EFL1: variants seen among roughly 807,000 people sequenced by gnomAD.
EFL1 encodes elongation factor-like GTPase 1.
EFL1 carries 76 observed loss-of-function variants against 126.7 expected under a neutral mutation model. The ratio of observed to expected loss-of-function variants is 0.60; its 90% CI spans 0.50 to 0.73. EFL1 has a LOEUF of 0.73. Ranked by LOEUF, EFL1 falls within the 30% of genes least tolerant of loss-of-function variation. The pLI is 0.00. For missense variants in EFL1, 1,128 were observed against 1,343.2 expected (o/e 0.84, Z 2.50); for synonymous variants, 410 against 448.4 (o/e 0.91, Z 1.08).
chr15:82,196,756 G>C (rs921530705), intron 15 of EFL1, among the ~76,000 whole-genome samples: 15 of 152,178 alleles, frequency 9.9e-5, no homozygotes, highest in African/African-American at 3.6e-4. Flanking sequence ...GGCTTCGGCC[G>C]GGAGCGGTGG....
chr15:82,156,795 C>A (rs1351061847), intron 17 of EFL1, among the ~76,000 whole-genome samples: 1 of 152,048 alleles, frequency 6.6e-6, no homozygotes, highest in Non-Finnish European at 1.5e-5. Flanking sequence ...AGAAGGAAGG[C>A]CATTACAGGG....
intron 18 of EFL1, 28 bp downstream of exon 18, chr15:82,151,437 C>A (rs773228695): frequency 4.5e-6 from 7 of 1,562,784 alleles, no homozygotes; most frequent in East Asian, 2.2e-5. Flanking sequence ...CAGGGCATTT[C>A]TCACTATCTT....
chr15:82,190,073 C>T (rs967331572), intron 15 of EFL1, among the ~76,000 whole-genome samples: 6 of 149,738 alleles, frequency 4.0e-5, no homozygotes, highest in East Asian at 2.0e-4. Context: ...GCCAAGATCA[C>T]GCACTCCAGC....
chr15:82,165,056 T>C (rs1199634134), intron 15 of EFL1, among the ~76,000 whole-genome samples: 3 of 152,068 alleles, frequency 2.0e-5, no homozygotes, highest in Non-Finnish European at 4.4e-5. Flanking sequence ...GAGGATCACT[T>C]GAGGTCAGGA....
chr15:82,211,619 C>CACACACACACACA (rs1595985795), intron 15 of EFL1, among the ~76,000 whole-genome samples: 9 of 145,020 alleles, frequency 6.2e-5, no homozygotes, highest in African/African-American at 1.0e-4. Flanking sequence ...CACACACACA[C>CACACACACACACA]TAGACTCTCT....
At position 82,152,344 on chromosome 15, in the gene EFL1, T is replaced by A. The variant is rs1162650929; in HGVS notation, c.2110A>T (p.Met704Leu). The change falls in exon 18 of 20, where the codon ATG becomes TTG. Residue 704 changes from methionine to leucine, a missense_variant. Around this residue, in one of 6 missense-constraint regions of EFL1, gnomAD observed 561 missense variants for 641.7 expected, o/e 0.87. Transcript: ENST00000268206. ...TGTTTGCCTATTTCTTCATTGACCA[T>A]GTCAACTTTTGGGGGTTTTGTGATT... is the stretch of plus-strand genomic sequence containing the variant. ...ETITKPPKVD[M>L]VNEEIGKQQK... 3.7e-6 allele frequency: 6 copies of A among 1,613,842 alleles called. No homozygotes were observed. Among genetic ancestry groups the A allele is most frequent in the Admixed American group, 1.7e-5 (1 of 60,004 alleles).
intron 15 of EFL1, among the ~76,000 whole-genome samples, chr15:82,164,277 T>G (rs1018438843): frequency 2.0e-5 from 3 of 152,184 alleles, no homozygotes; most frequent in African/African-American, 7.2e-5. Flanking sequence ...TCCAGATATA[T>G]TTGTCTGAAA....
chr15:82,176,205 A>C (rs1199746981), intron 15 of EFL1, among the ~76,000 whole-genome samples: 2 of 152,228 alleles, frequency 1.3e-5, no homozygotes, highest in Non-Finnish European at 2.9e-5. Flanking sequence ...CGGATTGCAG[A>C]TCTAAATACA....
intron 15 of EFL1, among the ~76,000 whole-genome samples, chr15:82,199,364 G>A (rs2074443399): frequency 6.6e-6 from 1 of 152,184 alleles, no homozygotes; most frequent in Non-Finnish European, 1.5e-5. Context: ...ACAAATATCC[G>A]AGAGTAAGAA....
intron 15 of EFL1, among the ~76,000 whole-genome samples, chr15:82,172,715 C>T (rs574087219): frequency 7.9e-5 from 12 of 152,194 alleles, no homozygotes; most frequent in Non-Finnish European, 1.5e-4. Context: ...TATCGACAGT[C>T]ACTCATGGCG....
intron 18 of EFL1, among the ~76,000 whole-genome samples, chr15:82,140,313 T>C (rs939518834): frequency 4.6e-5 from 7 of 152,210 alleles, no homozygotes; most frequent in Admixed American, 1.3e-4. Context: ...ATAATTTTCA[T>C]GTTCCTAACC....
intron 18 of EFL1, among the ~76,000 whole-genome samples, chr15:82,149,361 G>T (rs1252407926): frequency 6.6e-6 from 1 of 152,080 alleles, no homozygotes; most frequent in Non-Finnish European, 1.5e-5. Flanking sequence ...TTTGGATTCT[G>T]CTTTTTGGGG....
At chr15:82,231,329 A>G (rs2074820103) in intron 7 of EFL1, among the ~76,000 whole-genome samples, 1 of 152,196 alleles carries the variant, frequency 6.6e-6, no homozygotes, top group Non-Finnish European at 1.5e-5. Flanking sequence ...ATAAAATTTT[A>G]TTTCAGCTAC....
chr15:82,238,271 C>A (rs2074894413), intron 7 of EFL1, 36 bp downstream of exon 7: 2 of 1,596,680 alleles, frequency 1.3e-6, no homozygotes, highest in Non-Finnish European at 1.7e-6. Context: ...CATATAAAAT[C>A]TGCAAAGAGA....
At chr15:82,257,486 G>A (rs2075076406) in intron 3 of EFL1, among the ~76,000 whole-genome samples, 1 of 152,148 alleles carries the variant, frequency 6.6e-6, no homozygotes, top group African/African-American at 2.4e-5. Context: ...AGTGTCAAAT[G>A]TTCCTCAACA....
chr15:82,260,086 G>A (rs1267020892), intron 2 of EFL1, among the ~76,000 whole-genome samples: 2 of 152,102 alleles, frequency 1.3e-5, no homozygotes, highest in South Asian at 2.1e-4. Context: ...CCAGAACAAC[G>A]CTTGTCATAT....
At chr15:82,196,198 T>C (rs1251070982) in intron 15 of EFL1, among the ~76,000 whole-genome samples, 1 of 152,174 alleles carries the variant, frequency 6.6e-6, no homozygotes, top group African/African-American at 2.4e-5. Flanking sequence ...TGTCAGCTTC[T>C]CTCTTCCTTT....
At chr15:82,258,995 C>T in intron 3 of EFL1, 93 bp downstream of exon 3, 1 of 1,189,958 alleles carries the variant, frequency 8.4e-7, no homozygotes, top group Non-Finnish European at 1.2e-6. Flanking sequence ...GTTTTATACC[C>T]TTTTGGATGG....
chr15:82,194,311 G>A (rs1311953132), intron 15 of EFL1, among the ~76,000 whole-genome samples: 1 of 152,062 alleles, frequency 6.6e-6, no homozygotes, highest in Non-Finnish European at 1.5e-5. Context: ...TGAGTATTTT[G>A]TGCAAAGCAG....
Sources: gnomAD v4.1 joint callset for allele counts (sites outside exome capture counted in the v4.1 genomes callset) on GRCh38, gnomAD v4.1.1 for gene constraint, gnomAD v4.1.1 regional missense constraint, MANE v1.5 for transcripts, NCBI Gene and HGNC (gene_info 2026-07-23, HGNC 2026-07-21) for gene names.